ASPA: variants seen among roughly 807,000 people sequenced by gnomAD.
The protein encoded by ASPA is aspartoacylase.
Under a neutral mutation model 29.6 loss-of-function variants are expected in ASPA, and 25 were observed. The observed-to-expected ratio is 0.85, with a 90% confidence interval of 0.62 to 1.18. The LOEUF (loss-of-function observed/expected upper bound fraction) is 1.18. Ranked by LOEUF, ASPA falls within the 50% of genes most tolerant of loss-of-function variation. ASPA has a pLI of 0.00. For missense variants in ASPA, 333 were observed against 385.7 expected, an observed-to-expected ratio of 0.86 and a Z score of 1.14; for synonymous variants, 131 against 130.3, an observed-to-expected ratio of 1.01 and a Z score of -0.04.
intron 3 of ASPA, among the ~76,000 whole-genome samples, chr17:3,483,819 T>C (rs761006778): frequency 6.6e-6 from 1 of 151,868 alleles, no homozygotes; most frequent in Non-Finnish European, 1.5e-5. Flanking sequence ...TGTGCCACCC[T>C]GTAATTTTTG....
At chr17:3,482,239 A>C (rs985781784) in intron 2 of ASPA, among the ~76,000 whole-genome samples, 1 of 152,216 alleles carries the variant, frequency 6.6e-6, no homozygotes, top group African/African-American at 2.4e-5. Context: ...AACTTAAGAA[A>C]TAGTCCTTTA....
chr17:3,493,992 GTTA>G (rs2073868370), intron 4 of ASPA, among the ~76,000 whole-genome samples: 1 of 150,800 alleles, frequency 6.6e-6, no homozygotes, highest in Admixed American at 6.6e-5. Flanking sequence ...TGTTGCTGTT[GTTA>G]TTATTGTTTC....
chr17:3,474,242 A>G (rs2073489173), upstream of ASPA: 1 of 152,238 alleles, frequency 6.6e-6, no homozygotes, highest in Non-Finnish European at 1.5e-5. Flanking sequence ...GACATGTAAG[A>G]GAAACTTTAT....
intron 1 of ASPA, among the ~76,000 whole-genome samples, chr17:3,477,487 C>G (rs2073546816): frequency 1.3e-5 from 2 of 152,108 alleles, no homozygotes; most frequent in South Asian, 2.1e-4. Context: ...GAGTTTCGCT[C>G]TTGTTGCCCA....
chr17:3,498,075 A>G (rs2073937318), intron 5 of ASPA, among the ~76,000 whole-genome samples: 1 of 152,156 alleles, frequency 6.6e-6, no homozygotes, highest in Non-Finnish European at 1.5e-5. Context: ...GACTCTCCCC[A>G]GCCCAGCACC....
chr17:3,480,396 G>A (rs369446607), intron 1 of ASPA, among the ~76,000 whole-genome samples: 7 of 152,328 alleles, frequency 4.6e-5, no homozygotes, highest in African/African-American at 1.2e-4. Context: ...CCAGTGAGTC[G>A]GGAGTGCTGA....
intron 2 of ASPA, 63 bp downstream of exon 2, chr17:3,481,861 A>T: frequency 7.2e-7 from 1 of 1,385,844 alleles, no homozygotes; most frequent in Non-Finnish European, 1.0e-6. Context: ...TCAATTATGG[A>T]TGTGAGACAA....
At chr17:3,498,521 G>A (rs1027829914) in intron 5 of ASPA, among the ~76,000 whole-genome samples, 3 of 151,742 alleles carry the variant, frequency 2.0e-5, no homozygotes, top group East Asian at 1.9e-4. Context: ...CTAATTTTTC[G>A]TATTTTTTCT....
chr17:3,486,268 G>A (rs908735559), intron 3 of ASPA, among the ~76,000 whole-genome samples: 3 of 152,134 alleles, frequency 2.0e-5, no homozygotes, highest in East Asian at 3.9e-4. Flanking sequence ...CAGTAGGCAC[G>A]AGTGCCCTTT....
At chr17:3,493,766 A>T (rs903656779) in intron 4 of ASPA, among the ~76,000 whole-genome samples, 2 of 152,072 alleles carry the variant, frequency 1.3e-5, no homozygotes, top group Non-Finnish European at 2.9e-5. Flanking sequence ...CCGCATAGCC[A>T]GGGGATTAGA....
rs886052821 is a variant in ASPA at position 3,476,008 on chromosome 17, C to T, written c.-152C>T. ...CATAAACGGGGCTCAGAACTTGTAA[C>T]AGAAAATTAAAATATACTCCACTCA... On this transcript the variant is annotated 5_prime_UTR_variant, in exon 1 of 6. Transcript: ENST00000263080. 68 of 714,124 alleles carry T rather than the reference C, an allele frequency of 9.5e-5. No homozygotes were observed. In the East Asian group the frequency reaches 1.7e-3, roughly 18 times the overall value. 44.2% of individuals were successfully genotyped at this position (714,124 alleles called of 1,614,324 possible). A position where few individuals can be genotyped will look rare whatever the true frequency, so the allele number is the denominator to read the frequency against.
rs542715039 is a variant in ASPA, at chr17:3,479,938, G to GGA, written c.237-1661_237-1660dup. On this transcript the variant is annotated intron_variant, in intron 1 of 5. Transcript: ENST00000263080. ...GTATCTTAACCATTGTGGGAAGTGGGGAGAGGGTAGAGGCCCATTTGAGAA... is the reference window on the plus strand; with the variant it reads ...GTATCTTAACCATTGTGGGAAGTGGGGAGAGAGGGTAGAGGCCCATTTGAGAA... Among the ~76,000 whole-genome samples, 21 of 152,304 alleles carry GGA rather than the reference G, an allele frequency of 1.4e-4. 1 individual carries two copies. The East Asian group carries it at 3.1e-3, about 22-fold the overall frequency.
At chr17:3,486,578 C>T (rs2073726037) in intron 3 of ASPA, among the ~76,000 whole-genome samples, 1 of 152,096 alleles carries the variant, frequency 6.6e-6, no homozygotes, top group Admixed American at 6.6e-5. Context: ...CTCTCAAACA[C>T]CCTCTTTCTT....
Position 3,502,518 on chromosome 17 carries a change from A to T in ASPA, c.*3430A>T, listed in dbSNP as rs2074002345. ...AAGCGTCCAGTCTATAAACTTCAGC[A>T]TTCGTTGCGAAATCCAGAGGAGACT... is the stretch of plus-strand genomic sequence containing the variant. On this transcript the variant is annotated 3_prime_UTR_variant, in exon 6 of 6. Coordinates refer to ENST00000263080, the MANE Select transcript of ASPA (RefSeq NM_000049.4). 1 of 152,244 alleles carries T rather than the reference A, an allele frequency of 6.6e-6. No individual in the cohort carries two copies. Among genetic ancestry groups the T allele is most frequent in the African/African-American group, 2.4e-5 (1 of 41,466 alleles). The allele number at this position is 152,244 out of a possible 1,614,324, so 9.4% of individuals were successfully genotyped here.
chr17:3,479,598 C>T (rs116549531), intron 1 of ASPA, among the ~76,000 whole-genome samples: 2 of 152,222 alleles, frequency 1.3e-5, no homozygotes, highest in African/African-American at 4.8e-5. Flanking sequence ...TCCACCTTCC[C>T]ACTGCACCAT....
At position 3,489,463 on chromosome 17, in the gene ASPA, T is replaced by G. The variant is rs1187431720; in HGVS notation, c.634+121T>G. The G allele has an allele frequency of 3.8e-6, 3 of 788,948 alleles. No homozygotes were observed. In the Admixed American group the frequency reaches 6.5e-5, roughly 17 times the overall value. The allele number at this position is 788,948 out of a possible 1,614,324, so 48.9% of individuals were successfully genotyped here. A position where few individuals can be genotyped will look rare whatever the true frequency, so the allele number is the denominator to read the frequency against. On this transcript the variant is annotated intron_variant, in intron 4 of 5. Transcript: ENST00000263080. The stretch of plus-strand genomic sequence containing the variant: ...AGTGCTTTTTAAAATTTTTATTCAC[T>G]TCAGCTATTCCCCAATGGCCAGGAT...
intron 2 of ASPA, among the ~76,000 whole-genome samples, chr17:3,482,279 T>C (rs1057079001): frequency 3.9e-5 from 6 of 152,186 alleles, no homozygotes; most frequent in African/African-American, 1.4e-4. Flanking sequence ...GATAAAAAGA[T>C]TGCCTCCCTT....
intron 2 of ASPA, among the ~76,000 whole-genome samples, chr17:3,482,940 CT>C (rs2073658153): frequency 9.2e-6 from 1 of 108,552 alleles, no homozygotes; most frequent in African/African-American, 3.5e-5. Flanking sequence ...TCCCTCCCCC[CT>C]CCCCCCACCC....
chr17:3,476,095 G>A lies in ASPA; in HGVS notation c.-65G>A. The A allele has an allele frequency of 6.8e-7, 1 of 1,479,676 alleles. No individual in the cohort carries two copies. The allele number at this position is 1,479,676 out of a possible 1,614,324, so 91.7% of individuals were successfully genotyped here. ...ATTTACATTTCTAAACCTTTCTTAA[G>A]AAAATCGAATTTCCTTTGATCTCTC... On this transcript the variant is annotated 5_prime_UTR_variant, in exon 1 of 6. Transcript: ENST00000263080.
Sources: allele counts gnomAD v4.1 joint callset (sites outside exome capture counted in the v4.1 genomes callset), GRCh38; gene constraint gnomAD v4.1.1; transcripts MANE v1.5; gene names NCBI Gene and HGNC (gene_info 2026-07-23, HGNC 2026-07-21).